Variants in CCSER1 observed in about 807,000 individuals in gnomAD.
The protein encoded by CCSER1 is coiled-coil serine rich protein 1.
A neutral mutation model predicts 82.0 loss-of-function variants in CCSER1; 41 were observed. The ratio of observed to expected loss-of-function variants is 0.50; its 90% CI spans 0.39 to 0.65. The LOEUF (loss-of-function observed/expected upper bound fraction) is 0.65. CCSER1 is among the 30% of genes least tolerant of loss of function. The pLI, the probability that CCSER1 is intolerant of heterozygous loss-of-function variation, is 0.00. For missense variants in CCSER1, 1,119 were observed against 1,064.2 expected (o/e 1.05, Z -0.72); for synonymous variants, 414 against 383.9 (o/e 1.08, Z -0.92).
intron 10 of CCSER1, among the ~76,000 whole-genome samples, chr4:91,401,452 G>C (rs1454567960): frequency 1.3e-5 from 2 of 151,106 alleles, no homozygotes; most frequent in African/African-American, 4.9e-5. Flanking sequence ...ACAACGTGCA[G>C]GTTTGTTACA....
chr4:90,360,579 C>CAAA (rs61140876), intron 3 of CCSER1, among the ~76,000 whole-genome samples: 825 of 75,756 alleles, frequency 0.011, 34 homozygotes, highest in Non-Finnish European at 0.015. Context: ...GACTCCGTCT[C>CAAA]AAAAAAAAAA....
chr4:90,689,026 A>G (rs1265792251), intron 6 of CCSER1, among the ~76,000 whole-genome samples: 2 of 152,162 alleles, frequency 1.3e-5, no homozygotes, highest in African/African-American at 4.8e-5. Flanking sequence ...TATGCATACT[A>G]AATGGACTCT....
intron 9 of CCSER1, among the ~76,000 whole-genome samples, chr4:90,949,699 A>G (rs1272406991): frequency 6.6e-6 from 1 of 152,162 alleles, no homozygotes; most frequent in African/African-American, 2.4e-5. Context: ...GTTGTTGGGC[A>G]TACACAGTAG....
At chr4:90,823,230 TAC>T (rs921320513) in intron 8 of CCSER1, among the ~76,000 whole-genome samples, 3 of 151,476 alleles carry the variant, frequency 2.0e-5, no homozygotes, top group African/African-American at 4.8e-5. Context: ...CACACATACA[TAC>T]ACACACACAC....
At chr4:90,472,596 A>T (rs1020598565) in intron 5 of CCSER1, among the ~76,000 whole-genome samples, 1 of 152,226 alleles carries the variant, frequency 6.6e-6, no homozygotes. Flanking sequence ...TCTAAAATTC[A>T]TCTTAATTCA....
intron 4 of CCSER1, among the ~76,000 whole-genome samples, chr4:90,448,882 C>T (rs1234265421): frequency 6.6e-6 from 1 of 152,054 alleles, no homozygotes; most frequent in African/African-American, 2.4e-5. Flanking sequence ...CTTTTGGTCC[C>T]TCCATTAGGC....
intron 9 of CCSER1, among the ~76,000 whole-genome samples, chr4:90,989,189 A>C (rs1306669033): frequency 6.6e-6 from 1 of 151,746 alleles, no homozygotes; most frequent in East Asian, 1.9e-4. Context: ...TTCAGGAGAG[A>C]TTTTACACCT....
chr4:90,554,444 A>G (rs561938046), intron 5 of CCSER1, among the ~76,000 whole-genome samples: 29 of 152,342 alleles, frequency 1.9e-4, no homozygotes, highest in South Asian at 1.2e-3. Context: ...ATGTGATTCA[A>G]TTTACCTTTA....
chr4:90,192,360 G>A (rs1207369538), intron 1 of CCSER1, among the ~76,000 whole-genome samples: 2 of 152,000 alleles, frequency 1.3e-5, no homozygotes, highest in African/African-American at 2.4e-5. Flanking sequence ...TGAGATTTGG[G>A]TGGGGACACA....
chr4:90,978,627 AGAGT>A, intron 9 of CCSER1, among the ~76,000 whole-genome samples: 1 of 151,948 alleles, frequency 6.6e-6, no homozygotes, highest in African/African-American at 2.4e-5. Context: ...AAAATGAATC[AGAGT>A]GAGATTGAAA....
rs181321886 is a variant in CCSER1, at chr4:90,715,280, C to T, written c.1933-8634C>T. 2.9e-3 allele frequency among the ~76,000 whole-genome samples: 445 copies of T among 151,990 alleles called. 2 individuals are homozygous for T. The highest frequency in any genetic ancestry group is 3.6e-3 in the Non-Finnish European group (245 of 67,914). On this transcript the variant is annotated intron_variant, in intron 6 of 10. Coordinates refer to ENST00000509176, the MANE Select transcript of CCSER1 (RefSeq NM_001145065.2). ...ATCATCCCCACAAAACCTACTCGTCCCTATGTGAATTGATGTAGTTTAATT... is the reference window on the plus strand; with the variant it reads ...ATCATCCCCACAAAACCTACTCGTCTCTATGTGAATTGATGTAGTTTAATT...
chr4:90,998,613 T>C (rs1737715695), intron 9 of CCSER1, among the ~76,000 whole-genome samples: 1 of 152,226 alleles, frequency 6.6e-6, no homozygotes, highest in African/African-American at 2.4e-5. Context: ...TTAATTGCTC[T>C]GAAAATAAAC....
At chr4:90,798,923 G>A (rs532005466) in intron 7 of CCSER1, among the ~76,000 whole-genome samples, 1 of 152,204 alleles carries the variant, frequency 6.6e-6, no homozygotes, top group Non-Finnish European at 1.5e-5. Flanking sequence ...ACACTCTGAT[G>A]GGTGGTGCCA....
At chr4:90,795,334 A>T (rs1755847977) in intron 7 of CCSER1, among the ~76,000 whole-genome samples, 1 of 151,664 alleles carries the variant, frequency 6.6e-6, no homozygotes, top group African/African-American at 2.4e-5. Flanking sequence ...TGATTTCTGC[A>T]CATTGATTTT....
At chr4:90,454,228 G>GTT (rs576058533) in intron 4 of CCSER1, among the ~76,000 whole-genome samples, 1,605 of 128,794 alleles carry the variant, frequency 0.012, 10 homozygotes, top group South Asian at 0.023. Flanking sequence ...TTTGTTTCAT[G>GTT]TTTTTTTTTT....
intron 10 of CCSER1, among the ~76,000 whole-genome samples, chr4:91,135,384 G>A (rs1728371611): frequency 6.6e-6 from 1 of 152,116 alleles, no homozygotes; most frequent in African/African-American, 2.4e-5. Context: ...GACCAAAAAA[G>A]TGGATCCTAG....
rs556910279 is a variant in CCSER1, at chr4:90,426,512, TA to T, written c.1603+26384del. Reference sequence around the variant, plus strand: ...GACATATTTTATGAGCAGGAATCAATATAGGGAAAAGACTGAAGGAAAAATT... The same window carrying T: ...GACATATTTTATGAGCAGGAATCAATTAGGGAAAAGACTGAAGGAAAAATT... On this transcript the variant is annotated intron_variant, in intron 4 of 10. Transcript: ENST00000509176. Among the ~76,000 whole-genome samples, 3 of 152,116 alleles carry T rather than the reference TA, an allele frequency of 2.0e-5. No homozygotes were observed. In the South Asian group the frequency reaches 6.2e-4, roughly 32 times the overall value.
chr4:91,032,069 C>G lies in CCSER1; in HGVS notation c.2173-53881C>G, dbSNP rs144437656. Among the ~76,000 whole-genome samples, 1,195 of 151,940 alleles carry G rather than the reference C, an allele frequency of 7.9e-3. 46 individuals are homozygous for G. Among genetic ancestry groups the G allele is most frequent in the Admixed American group, 0.065 (986 of 15,210 alleles). ...CACCTTAATGCACTATATTCTAGAA[C>G]AGTATTTGTTAAAGAACAATTGTCT... On this transcript the variant is annotated intron_variant, in intron 9 of 10. Transcript: ENST00000509176.
At chr4:90,812,954 G>A (rs1166258244) in intron 7 of CCSER1, among the ~76,000 whole-genome samples, 4 of 152,100 alleles carry the variant, frequency 2.6e-5, no homozygotes, top group African/African-American at 4.8e-5. Context: ...AGATTTGGGT[G>A]GGATCACAGA....
Sources: gnomAD v4.1 joint callset for allele counts (sites outside exome capture counted in the v4.1 genomes callset) on GRCh38, gnomAD v4.1.1 for gene constraint, MANE v1.5 for transcripts, NCBI Gene and HGNC (gene_info 2026-07-23, HGNC 2026-07-21) for gene names.